Variants in AGMO observed in about 807,000 individuals in gnomAD.
AGMO encodes the protein glyceryl-ether monooxygenase.
Under a neutral mutation model 60.2 loss-of-function variants are expected in AGMO, and 75 were observed. That is an observed-to-expected ratio of 1.25 (90% confidence interval 1.03 to 1.51). AGMO has a LOEUF of 1.51. AGMO is among the 40% of genes most tolerant of loss of function. The pLI, the probability that AGMO is intolerant of heterozygous loss-of-function variation, is 0.00. For synonymous variants in AGMO, 261 were observed against 177.1 expected, an observed-to-expected ratio of 1.47 and a Z score of -3.76; for missense variants, 763 against 525.5, an observed-to-expected ratio of 1.45 and a Z score of -4.42.
At chr7:15,245,327 C>T (rs1308081236) in intron 12 of AGMO, among the ~76,000 whole-genome samples, 3 of 152,092 alleles carry the variant, frequency 2.0e-5, no homozygotes, top group South Asian at 2.1e-4. Context: ...AATAATATAC[C>T]TCTCTTTCCC....
At chr7:15,403,078 A>G (rs952049636) in intron 5 of AGMO, among the ~76,000 whole-genome samples, 1 of 151,982 alleles carries the variant, frequency 6.6e-6, no homozygotes, top group Admixed American at 6.6e-5. Context: ...GACTGATGAA[A>G]AAAATCACTC....
intron 3 of AGMO, among the ~76,000 whole-genome samples, chr7:15,507,157 C>A (rs1168476997): frequency 6.6e-6 from 1 of 151,770 alleles, no homozygotes; most frequent in African/African-American, 2.4e-5. Flanking sequence ...CAAACTGCTA[C>A]AAAAGTCAAG....
At chr7:15,157,766 C>T in the AGMO span, among the ~76,000 whole-genome samples, 1 of 152,222 alleles carries the variant, frequency 6.6e-6, no homozygotes, top group African/African-American at 2.4e-5. Context: ...CCTTATTTCT[C>T]TGTACTTCTC....
the AGMO span, among the ~76,000 whole-genome samples, chr7:15,130,978 A>T: frequency 1.3e-5 from 2 of 152,168 alleles, no homozygotes; most frequent in African/African-American, 4.8e-5. Context: ...AGAATAATTT[A>T]TTAAGCTTCA....
chr7:15,297,519 C>CT (rs1226625138), intron 12 of AGMO, among the ~76,000 whole-genome samples: 9 of 152,088 alleles, frequency 5.9e-5, no homozygotes, highest in Non-Finnish European at 1.0e-4. Context: ...AAGTTCAACT[C>CT]TTTTTTGATT....
At chr7:15,384,512 A>T (rs1783832655) in intron 10 of AGMO, among the ~76,000 whole-genome samples, 2 of 152,092 alleles carry the variant, frequency 1.3e-5, no homozygotes, top group South Asian at 4.1e-4. Context: ...TAAGTGTCCT[A>T]TACACCTTAA....
intron 12 of AGMO, among the ~76,000 whole-genome samples, chr7:15,319,968 G>C (rs893961023): frequency 1.3e-5 from 2 of 152,030 alleles, no homozygotes; most frequent in Non-Finnish European, 2.9e-5. Flanking sequence ...TAGGGACATG[G>C]ATGAAGCTGG....
At chr7:15,184,487 GGGAA>G in the AGMO span, among the ~76,000 whole-genome samples, 2 of 91,860 alleles carry the variant, frequency 2.2e-5, no homozygotes, top group Non-Finnish European at 4.4e-5. Flanking sequence ...AAAGGAGGGA[GGGAA>G]GGAAGGAAGG....
At chr7:15,249,156 G>GA (rs1782855586) in intron 12 of AGMO, among the ~76,000 whole-genome samples, 1 of 152,134 alleles carries the variant, frequency 6.6e-6, no homozygotes, top group South Asian at 2.1e-4. Flanking sequence ...TCATGTGTGT[G>GA]AAATTTTTTG....
intron 12 of AGMO, among the ~76,000 whole-genome samples, chr7:15,230,817 G>T (rs1782237670): frequency 6.6e-6 from 1 of 152,004 alleles, no homozygotes; most frequent in Non-Finnish European, 1.5e-5. Context: ...AGAGCCTTTT[G>T]TTTGGGACTC....
At chr7:15,216,833 A>T (rs549269348) in intron 12 of AGMO, among the ~76,000 whole-genome samples, 12 of 147,112 alleles carry the variant, frequency 8.2e-5, no homozygotes, top group African/African-American at 2.7e-4. Context: ...TGAAAGAAAA[A>T]GTGTGTGTGT....
At chr7:15,479,836 T>C (rs1351757395) in intron 3 of AGMO, among the ~76,000 whole-genome samples, 1 of 151,914 alleles carries the variant, frequency 6.6e-6, no homozygotes, top group African/African-American at 2.4e-5. Flanking sequence ...TGCAAAAAGA[T>C]AGGTAGGAGT....
chr7:15,320,221 C>G (rs531440178), intron 12 of AGMO, among the ~76,000 whole-genome samples: 1 of 151,828 alleles, frequency 6.6e-6, no homozygotes, highest in Non-Finnish European at 1.5e-5. Context: ...TGTAACAAAC[C>G]TGCACGTTTT....
At chr7:15,505,611 A>T (rs1442361631) in intron 3 of AGMO, among the ~76,000 whole-genome samples, 1 of 152,048 alleles carries the variant, frequency 6.6e-6, no homozygotes, top group Non-Finnish European at 1.5e-5. Flanking sequence ...AGTTGTGAAA[A>T]GTCTTGAGTT....
chr7:15,264,556 G>A (rs968312759), intron 12 of AGMO, among the ~76,000 whole-genome samples: 2 of 151,778 alleles, frequency 1.3e-5, no homozygotes, highest in Non-Finnish European at 2.9e-5. Context: ...CTAATATCCA[G>A]AATCTACAAG....
chr7:15,487,913 C>T (rs564450187), intron 3 of AGMO, among the ~76,000 whole-genome samples: 1 of 152,224 alleles, frequency 6.6e-6, no homozygotes, highest in South Asian at 2.1e-4. Context: ...ACTACATCAT[C>T]TCCTGAGAAA....
intron 12 of AGMO, among the ~76,000 whole-genome samples, chr7:15,263,919 G>T (rs1005997341): frequency 6.6e-6 from 1 of 152,006 alleles, no homozygotes. Context: ...AGGGGAATAG[G>T]TGGGGCGTGG....
the AGMO span, among the ~76,000 whole-genome samples, chr7:15,181,072 C>T: frequency 5.3e-5 from 8 of 152,154 alleles, no homozygotes; most frequent in Non-Finnish European, 1.2e-4. Flanking sequence ...GAGGGCAGAT[C>T]CCTCATGACC....
chr7:15,547,084 AT>A (rs1784802009), intron 2 of AGMO, among the ~76,000 whole-genome samples: 1 of 152,180 alleles, frequency 6.6e-6, no homozygotes, highest in Non-Finnish European at 1.5e-5. Context: ...CACTATTACA[AT>A]TTGGGCCAAG....
Sources: allele counts gnomAD v4.1 joint callset (sites outside exome capture counted in the v4.1 genomes callset), GRCh38; gene constraint gnomAD v4.1.1; transcripts MANE v1.5; gene names NCBI Gene and HGNC (gene_info 2026-07-23, HGNC 2026-07-21).